MBOAT2: variants seen among roughly 807,000 people sequenced by gnomAD.
MBOAT2 encodes membrane-bound glycerophospholipid O-acyltransferase 2.
MBOAT2 carries 28 observed loss-of-function variants against 63.4 expected under a neutral mutation model. The ratio of observed to expected loss-of-function variants is 0.44; its 90% CI spans 0.33 to 0.61. The LOEUF is 0.61. Ranked by LOEUF, MBOAT2 falls within the 20% of genes least tolerant of loss-of-function variation. The pLI, the probability that MBOAT2 is intolerant of heterozygous loss-of-function variation, is 0.03. For missense variants in MBOAT2, 470 were observed against 605.8 expected (o/e 0.78, Z 2.35); for synonymous variants, 211 against 215.6 (o/e 0.98, Z 0.19).
chr2:8,865,283 C>T (rs1661792505), intron 9 of MBOAT2, among the ~76,000 whole-genome samples: 1 of 152,108 alleles, frequency 6.6e-6, no homozygotes, highest in Non-Finnish European at 1.5e-5. Context: ...TATCTCTGGT[C>T]CTATCACCTC....
At position 8,857,005 on chromosome 2, in the gene MBOAT2, C is replaced by A. The variant is rs565088303; in HGVS notation, c.*1674G>T. On this transcript the variant is annotated 3_prime_UTR_variant, in exon 13 of 13. Coordinates refer to ENST00000305997, the MANE Select transcript of MBOAT2 (RefSeq NM_138799.4). ...TTCTAAACTTCAAAAAAGACACATG[C>A]CCATTTTTGCTGAGACCTCAAAAGC... is the stretch of plus-strand genomic sequence containing the variant. 6.6e-6 allele frequency: 1 copy of A among 152,418 alleles called. No homozygotes were observed. The highest frequency in any genetic ancestry group is 1.5e-5 in the Non-Finnish European group (1 of 68,012). The allele number at this position is 152,418 out of a possible 1,614,324, so 9.4% of individuals were successfully genotyped here.
intron 4 of MBOAT2, among the ~76,000 whole-genome samples, chr2:8,894,197 C>T (rs1054743133): frequency 3.9e-5 from 6 of 152,172 alleles, no homozygotes; most frequent in African/African-American, 7.2e-5. Flanking sequence ...GAGAACAACA[C>T]TGCATGTTTC....
rs537085586 is a variant in MBOAT2 at position 8,940,684 on chromosome 2, ATG to A, written c.299+2501_299+2502del. On this transcript the variant is annotated intron_variant, in intron 3 of 12. Transcript: ENST00000305997. ...AATTACAAAAATAAAGTGTGTATAC[ATG>A]TGTGTGTGTGTATATATATATTTGA... Among the ~76,000 whole-genome samples, 634 of 133,336 alleles carry A rather than the reference ATG, an allele frequency of 4.8e-3. 2 individuals carry two copies. Among genetic ancestry groups the A allele is most frequent in the Middle Eastern group, 7.4e-3 (2 of 272 alleles). The allele number at this position is 133,336 out of a possible 152,430, so 87.5% of individuals were successfully genotyped here.
intron 1 of MBOAT2, among the ~76,000 whole-genome samples, chr2:8,988,404 T>C (rs954824609): frequency 6.6e-6 from 1 of 152,222 alleles, no homozygotes; most frequent in Non-Finnish European, 1.5e-5. Flanking sequence ...CCTTGGGGTG[T>C]AAAGAATAAA....
At chr2:8,943,295 G>A in intron 2 of MBOAT2, 31 bp from the exon 3 acceptor site, 1 of 1,338,820 alleles carries the variant, frequency 7.5e-7, no homozygotes. Flanking sequence ...ATTAGAAGAG[G>A]GATGCCAAGT....
intron 1 of MBOAT2, among the ~76,000 whole-genome samples, chr2:8,964,217 C>A (rs1409349714): frequency 6.6e-6 from 1 of 152,180 alleles, no homozygotes; most frequent in Non-Finnish European, 1.5e-5. Flanking sequence ...GCAGTATTCT[C>A]GTGCATATTT....
In MBOAT2 at chr2:8,898,020, G is replaced by A. The variant is rs190472688; in HGVS notation, c.396-9947C>T. Reference sequence around the variant, plus strand: ...AGCCTCTGACACTAAGACGGCCACCGCCACAACTATCCGTAAACAGTGAGG... The same window carrying A: ...AGCCTCTGACACTAAGACGGCCACCACCACAACTATCCGTAAACAGTGAGG... On this transcript the variant is annotated intron_variant, in intron 4 of 12. Coordinates refer to ENST00000305997, the MANE Select transcript of MBOAT2 (RefSeq NM_138799.4). Among the ~76,000 whole-genome samples the A allele has an allele frequency of 2.1e-3, 323 of 152,244 alleles. 1 individual carries two copies. Among genetic ancestry groups the A allele is most frequent in the Admixed American group, 4.3e-3 (65 of 15,292 alleles).
intron 2 of MBOAT2, among the ~76,000 whole-genome samples, chr2:8,945,504 T>C (rs758214876): frequency 6.6e-6 from 1 of 152,182 alleles, no homozygotes; most frequent in Non-Finnish European, 1.5e-5. Context: ...AAATTAAAGA[T>C]AGATATGTTA....
At chr2:8,988,210 A>G (rs190858963) in intron 1 of MBOAT2, among the ~76,000 whole-genome samples, 2 of 152,304 alleles carry the variant, frequency 1.3e-5, no homozygotes, top group East Asian at 3.9e-4. Context: ...TTGGCCTAAT[A>G]TCTACTTGCT....
intron 1 of MBOAT2, among the ~76,000 whole-genome samples, chr2:8,958,991 T>C (rs954510289): frequency 6.6e-6 from 1 of 152,166 alleles, no homozygotes; most frequent in African/African-American, 2.4e-5. Flanking sequence ...AAACGTGTTT[T>C]AATGACTGAG....
intron 3 of MBOAT2, among the ~76,000 whole-genome samples, chr2:8,917,727 T>C (rs1014228350): frequency 1.4e-4 from 22 of 152,186 alleles, no homozygotes; most frequent in Non-Finnish European, 2.9e-5. Flanking sequence ...ATTCCTCTCC[T>C]AGGTATTTAC....
chr2:8,908,669 G>T lies in MBOAT2; in HGVS notation c.347C>A (p.Thr116Asn). ...TCCATAGTCAAAGATATAGACTCGA[G>T]TAACTTGGCACACTGTGAGGTATCC... is the stretch of plus-strand genomic sequence containing the variant. ...ALGYLTVCQVTRVYIFDYGQY... is the reference protein window; with the variant it reads ...ALGYLTVCQVNRVYIFDYGQY... The change falls in exon 4 of 13, where the codon ACT (threonine) becomes AAT (asparagine). Residue 116 changes from threonine (T) to asparagine (N), a missense_variant. By Grantham distance (65) the Thr-to-Asn change is moderately conservative. Around this residue, in one of 3 missense-constraint regions of MBOAT2, gnomAD observed 376 missense variants for 503.8 expected, o/e 0.75. Coordinates refer to ENST00000305997, the MANE Select transcript of MBOAT2 (RefSeq NM_138799.4). 1 of 1,612,196 alleles carries T rather than the reference G, an allele frequency of 6.2e-7. No individual in the cohort carries two copies. The highest frequency in any genetic ancestry group is 8.5e-7 in the Non-Finnish European group (1 of 1,178,918).
intron 8 of MBOAT2, among the ~76,000 whole-genome samples, chr2:8,869,572 ATTGT>A (rs1662164987): frequency 6.6e-6 from 1 of 152,200 alleles, no homozygotes; most frequent in Admixed American, 6.5e-5. Context: ...AAATTGTTTT[ATTGT>A]TTATTAGTGC....
intron 8 of MBOAT2, 55 bp from the exon 9 acceptor site, chr2:8,868,604 T>A (rs1662073597): frequency 6.6e-6 from 9 of 1,366,348 alleles, no homozygotes; most frequent in Non-Finnish European, 9.3e-6. Flanking sequence ...CAATTTACCA[T>A]ATTCTCCCAG....
chr2:8,884,043 T>C (rs1451612241), intron 5 of MBOAT2, among the ~76,000 whole-genome samples: 9 of 143,028 alleles, frequency 6.3e-5, no homozygotes, highest in Non-Finnish European at 1.4e-4. Flanking sequence ...GCCAACATGG[T>C]GAAACCTTGT....
In MBOAT2 at chr2:8,880,626, A is replaced by G. The variant is rs562941372; in HGVS notation, c.506+1885T>C. The stretch of plus-strand genomic sequence containing the variant: ...CCAATGGATGTGACCACCTGGAGAA[A>G]ACGAAGTCCAGGGCTGAGGCCAGGC... On this transcript the variant is annotated intron_variant, in intron 6 of 12. Transcript: ENST00000305997. Among the ~76,000 whole-genome samples, 60 of 152,346 alleles carry G rather than the reference A, an allele frequency of 3.9e-4. 1 individual carries two copies. In the South Asian group the frequency reaches 0.012, roughly 31 times the overall value.
At chr2:8,921,221 ATTCT>A (rs1325600128) in intron 3 of MBOAT2, among the ~76,000 whole-genome samples, 5 of 151,946 alleles carry the variant, frequency 3.3e-5, no homozygotes, top group Non-Finnish European at 7.4e-5. Context: ...TCCTCTGTTG[ATTCT>A]TTCAATGTAT....
At chr2:8,919,022 T>C (rs1352612057) in intron 3 of MBOAT2, among the ~76,000 whole-genome samples, 2 of 152,236 alleles carry the variant, frequency 1.3e-5, no homozygotes, top group Non-Finnish European at 2.9e-5. Context: ...GTCTTTTGTA[T>C]CTGGCTTCTT....
At chr2:8,990,271 G>A (rs1671838043) in intron 1 of MBOAT2, among the ~76,000 whole-genome samples, 1 of 152,114 alleles carries the variant, frequency 6.6e-6, no homozygotes, top group East Asian at 1.9e-4. Context: ...ATTTCACAAG[G>A]GCTAAACTCC....
Sources: gnomAD v4.1 joint callset for allele counts (sites outside exome capture counted in the v4.1 genomes callset) on GRCh38, gnomAD v4.1.1 for gene constraint, gnomAD v4.1.1 regional missense constraint, MANE v1.5 for transcripts, NCBI Gene and HGNC (gene_info 2026-07-23, HGNC 2026-07-21) for gene names.